Variants in GRM5 observed in about 807,000 individuals in gnomAD.
GRM5 encodes glutamate metabotropic receptor 5, also known as metabotropic glutamate receptor 5.
Under a neutral mutation model 83.1 loss-of-function variants are expected in GRM5, and 19 were observed. That is an observed-to-expected ratio of 0.23 (90% CI 0.16 to 0.34). GRM5 has a LOEUF of 0.34. Ranked by LOEUF, GRM5 falls within the 10% of genes least tolerant of loss-of-function variation. The pLI is 1.00. For synonymous variants in GRM5, 675 were observed against 633.6 expected, an observed-to-expected ratio of 1.07 and a Z score of -0.98; for missense variants, 1,160 against 1,588.3, an observed-to-expected ratio of 0.73 and a Z score of 4.58.
chr11:88,983,316 T>A (rs1939587630), intron 2 of GRM5, among the ~76,000 whole-genome samples: 1 of 152,226 alleles, frequency 6.6e-6, no homozygotes, highest in South Asian at 2.1e-4. Context: ...GTTTCTCAAA[T>A]TTATCTTAAT....
In GRM5 at chr11:88,791,212, G is replaced by A. The variant is rs190465601; in HGVS notation, c.911+58694C>T. ...TTTCAAGACTTAAACCAGGAGGACA[G>A]GAGGAAGTGGCAATGGTAAGATAAT... On this transcript the variant is annotated intron_variant, in intron 3 of 9. Transcript: ENST00000305447. 2.0e-3 allele frequency among the ~76,000 whole-genome samples: 309 copies of A among 152,274 alleles called. 3 individuals are homozygous for A. The highest frequency in any genetic ancestry group is 3.6e-3 in the Non-Finnish European group (244 of 67,992).
chr11:88,645,058 A>G (rs1382265067), intron 4 of GRM5, among the ~76,000 whole-genome samples: 1 of 152,142 alleles, frequency 6.6e-6, no homozygotes, highest in African/African-American at 2.4e-5. Flanking sequence ...ACACCCTGAT[A>G]ACCACCACTG....
intron 2 of GRM5, among the ~76,000 whole-genome samples, chr11:88,940,099 G>T (rs1303748071): frequency 6.6e-6 from 1 of 151,854 alleles, no homozygotes; most frequent in Non-Finnish European, 1.5e-5. Context: ...AAACGTCAGG[G>T]TTCTTAACAC....
At position 88,508,452 on chromosome 11, in the gene GRM5, T is replaced by C. The variant is rs1941240186; in HGVS notation, c.*140A>G. 1 of 589,818 alleles carries C rather than the reference T, an allele frequency of 1.7e-6. No individual in the cohort carries two copies. Among genetic ancestry groups the C allele is most frequent in the South Asian group, 2.4e-5 (1 of 41,456 alleles). The allele number at this position is 589,818 out of a possible 1,614,324, so 36.5% of individuals were successfully genotyped here. On this transcript the variant is annotated 3_prime_UTR_variant, in exon 10 of 10. Transcript: ENST00000305447. The surrounding 1 kb of genome is among the most constrained non-coding windows in gnomAD (Gnocchi z 4.2). ...GTCGGTTGTCATGAGATAGCACTAC[T>C]GATCTCGTGTTTCCATTAAGGGGTG...
rs537595697 is a variant in GRM5, at chr11:88,982,217, T to C, written c.661+64995A>G. Among the ~76,000 whole-genome samples the C allele has an allele frequency of 5.1e-4, 78 of 152,288 alleles. 1 individual carries two copies. Among genetic ancestry groups the C allele is most frequent in the Non-Finnish European group, 9.0e-4 (61 of 68,012 alleles). On this transcript the variant is annotated intron_variant, in intron 2 of 9. Transcript: ENST00000305447. ...TGTTCATCATGTGATTTTTGGAAAATAGAAAGAATTAAAAACATTCAATGT... is the reference window on the plus strand; with the variant it reads ...TGTTCATCATGTGATTTTTGGAAAACAGAAAGAATTAAAAACATTCAATGT...
intron 3 of GRM5, among the ~76,000 whole-genome samples, chr11:88,769,097 G>T (rs1976357): frequency 0.26 from 38,894 of 151,894 alleles, 5,545 homozygotes; most frequent in South Asian, 0.55. Context: ...TTCCCATAGG[G>T]ATATGGGGTA....
intron 3 of GRM5, among the ~76,000 whole-genome samples, chr11:88,819,733 G>C (rs1476739693): frequency 6.6e-6 from 1 of 152,134 alleles, no homozygotes; most frequent in Non-Finnish European, 1.5e-5. Context: ...ACCTGAAAAT[G>C]GGTGGTTTAA....
At chr11:88,900,551 C>T (rs1420477873) in intron 2 of GRM5, among the ~76,000 whole-genome samples, 2 of 152,062 alleles carry the variant, frequency 1.3e-5, no homozygotes, top group Non-Finnish European at 2.9e-5. Flanking sequence ...TTTTGAATAT[C>T]TAAATCTACA....
At chr11:88,967,244 T>C (rs1358350403) in intron 2 of GRM5, among the ~76,000 whole-genome samples, 29 of 118,968 alleles carry the variant, frequency 2.4e-4, no homozygotes, top group Non-Finnish European at 3.6e-4. Flanking sequence ...TATATATATA[T>C]ACACATATAT....
chr11:88,910,107 C>T (rs1018381960), intron 2 of GRM5, among the ~76,000 whole-genome samples: 5 of 152,098 alleles, frequency 3.3e-5, no homozygotes, highest in Non-Finnish European at 5.9e-5. Flanking sequence ...GTAGTCTTTA[C>T]TCTACTTTCT....
At chr11:88,764,711 C>T (rs10831386) in intron 3 of GRM5, among the ~76,000 whole-genome samples, 109,504 of 151,328 alleles carry the variant, frequency 0.72, 40,045 homozygotes, top group African/African-American at 0.75. Context: ...AAAGCAGTGC[C>T]AAGGAGGAAA....
intron 2 of GRM5, among the ~76,000 whole-genome samples, chr11:89,037,594 G>T (rs1419264056): frequency 6.6e-6 from 1 of 152,104 alleles, no homozygotes; most frequent in African/African-American, 2.4e-5. Flanking sequence ...CTTGCTAGTT[G>T]AGGGACTTTG....
chr11:88,784,848 A>G (rs1943035787), intron 3 of GRM5, among the ~76,000 whole-genome samples: 1 of 152,032 alleles, frequency 6.6e-6, no homozygotes, highest in Non-Finnish European at 1.5e-5. Flanking sequence ...CTCTGGTCAC[A>G]TGTTGCAAAT....
chr11:88,696,193 C>T (rs192728311), intron 3 of GRM5, among the ~76,000 whole-genome samples: 1 of 152,256 alleles, frequency 6.6e-6, no homozygotes, highest in East Asian at 1.9e-4. Flanking sequence ...GCTCTCCTCC[C>T]ACTGCTCCTG....
At chr11:88,761,963 G>T (rs2221120) in intron 3 of GRM5, among the ~76,000 whole-genome samples, 109,979 of 151,976 alleles carry the variant, frequency 0.72, 40,221 homozygotes, top group African/African-American at 0.75. Context: ...TCTATTCAAT[G>T]AATGGTACTG....
intron 2 of GRM5, among the ~76,000 whole-genome samples, chr11:88,973,152 T>A (rs564286676): frequency 4.7e-4 from 72 of 152,102 alleles, no homozygotes; most frequent in Non-Finnish European, 4.1e-4. Context: ...GTAAGTGGGG[T>A]CTGTGGACCA....
At chr11:88,531,094 A>C (rs1329367932) in intron 8 of GRM5, among the ~76,000 whole-genome samples, 1 of 152,166 alleles carries the variant, frequency 6.6e-6, no homozygotes, top group African/African-American at 2.4e-5. Context: ...CATGAGTCTA[A>C]ATTCAGTCAG....
chr11:89,064,726 C>T (rs1942060537), intron 1 of GRM5, among the ~76,000 whole-genome samples: 1 of 151,800 alleles, frequency 6.6e-6, no homozygotes, highest in African/African-American at 2.4e-5. Context: ...CCAGGAACTA[C>T]CTAGGGTAGA....
chr11:88,843,454 A>C (rs1944240871), intron 3 of GRM5, among the ~76,000 whole-genome samples: 1 of 152,172 alleles, frequency 6.6e-6, no homozygotes, highest in South Asian at 2.1e-4. Flanking sequence ...GGGGCATCAC[A>C]AACTGTGCCT....
Sources: gnomAD v4.1 joint callset for allele counts (sites outside exome capture counted in the v4.1 genomes callset) on GRCh38, gnomAD v4.1.1 for gene constraint, Gnocchi (gnomAD v3.1) non-coding constraint, MANE v1.5 for transcripts, NCBI Gene and HGNC (gene_info 2026-07-23, HGNC 2026-07-21) for gene names.